The following BTAF1 variants were observed in gnomAD, a reference collection of about 807,000 sequenced individuals.
BTAF1 encodes the protein TATA-binding protein-associated factor 172.
A neutral mutation model predicts 227.1 loss-of-function variants in BTAF1; 38 were observed. The ratio of observed to expected loss-of-function variants is 0.17; its 90% CI spans 0.13 to 0.22. BTAF1 has a LOEUF of 0.22. Among genes scored for constraint, BTAF1 ranks in the 10% least tolerant of loss-of-function variants. The probability of loss-of-function intolerance (pLI) is 1.00; values close to 1 mark genes in which losing one functional copy is unlikely to be tolerated. For synonymous variants in BTAF1, 742 were observed against 751.9 expected, an observed-to-expected ratio of 0.99 and a Z score of 0.21; for missense variants, 1,598 against 2,204.0, an observed-to-expected ratio of 0.73 and a Z score of 5.51.
intron 1 of BTAF1, among the ~76,000 whole-genome samples, chr10:91,929,360 T>G (rs1324775152): frequency 1.3e-5 from 2 of 152,226 alleles, no homozygotes; most frequent in African/African-American, 4.8e-5. Flanking sequence ...TAGACAGTAC[T>G]TATAATATGA....
rs1225598895 is a variant in BTAF1 at position 92,001,981 on chromosome 10, T to TACAC, written c.3660+4231_3660+4232insCACA. On this transcript the variant is annotated intron_variant, in intron 25 of 37. Transcript: ENST00000265990. ...AAAAAAAAAAAACCATATATATATA[T>TACAC]ATATACACACACACACACACACACA... Among the ~76,000 whole-genome samples, 128 of 92,874 alleles carry TACAC rather than the reference T, an allele frequency of 1.4e-3. 1 individual carries two copies. The highest frequency in any genetic ancestry group is 2.9e-3 in the African/African-American group (92 of 31,684). The allele number at this position is 92,874 out of a possible 152,430, so 60.9% of individuals were successfully genotyped here. A position where few individuals can be genotyped will look rare whatever the true frequency, so the allele number is the denominator to read the frequency against.
rs1200662062 is a variant in BTAF1 at position 91,959,850 on chromosome 10, A to G, written c.1056A>G (p.Leu352=). ...TTAGACTCCTTTGTGTTTTTGCATTAGACAGATTTGGAGACTTTGTTTCTG... is the reference window on the plus strand; with the variant it reads ...TTAGACTCCTTTGTGTTTTTGCATTGGACAGATTTGGAGACTTTGTTTCTG... ...LVIRLLCVFA[L]DRFGDFVSDE... The change falls in exon 10 of 38, where the codon TTA becomes TTG. Residue 352 remains leucine, a synonymous_variant. Coordinates refer to ENST00000265990, the MANE Select transcript of BTAF1 (RefSeq NM_003972.3). The G allele has an allele frequency of 4.3e-6, 7 of 1,610,054 alleles. No individual in the cohort carries two copies. The highest frequency in any genetic ancestry group is 4.2e-6 in the Non-Finnish European group (5 of 1,178,752).
chr10:91,960,159 A>G lies in BTAF1; in HGVS notation c.1263+5A>G. The G allele has an allele frequency of 6.2e-7, 1 of 1,610,768 alleles. No homozygotes were observed. The highest frequency in any genetic ancestry group is 1.1e-5 in the South Asian group (1 of 90,218). On this transcript the variant is annotated splice_donor_5th_base_variant and intron_variant, in intron 11 of 37. Coordinates refer to ENST00000265990, the MANE Select transcript of BTAF1 (RefSeq NM_003972.3). ...TATGCTTTGGCAGTCCGTCAGGTAA[A>G]TATTTCAAGTTTTGAAGCTTATGTG...
chr10:91,943,002 G>A (rs555974697), intron 4 of BTAF1, among the ~76,000 whole-genome samples: 22 of 152,154 alleles, frequency 1.4e-4, no homozygotes, highest in Admixed American at 3.9e-4. Context: ...TCATGCTGGT[G>A]TCCAACGCAA....
intron 2 of BTAF1, 43 bp downstream of exon 2, chr10:91,935,823 G>A: frequency 6.8e-7 from 1 of 1,467,328 alleles, no homozygotes; most frequent in Non-Finnish European, 9.2e-7. Context: ...CAATTGTAGA[G>A]ACTTATTCAT....
At chr10:91,957,376 C>G (rs975348065) in intron 8 of BTAF1, 83 bp downstream of exon 8, 2 of 1,125,636 alleles carry the variant, frequency 1.8e-6, no homozygotes, top group African/African-American at 1.5e-5. Flanking sequence ...TATACTTTGT[C>G]AGAGTCCCTA....
At chr10:91,956,725 C>A (rs1846113912) in intron 7 of BTAF1, 68 bp downstream of exon 7, 1 of 1,531,900 alleles carries the variant, frequency 6.5e-7, no homozygotes, top group Admixed American at 1.8e-5. Context: ...AGCGGTGGCT[C>A]ACTCCTGTAA....
chr10:91,962,493 A>G (rs1311966571), intron 11 of BTAF1, 45 bp from the exon 12 acceptor site: 1 of 1,362,254 alleles, frequency 7.3e-7, no homozygotes, highest in Admixed American at 2.3e-5. Flanking sequence ...AAGCACAGTA[A>G]CTGTAGAATA....
Position 92,024,771 on chromosome 10 carries a change from G to A in BTAF1, c.4879G>A (p.Gly1627Ser), listed in dbSNP as rs769539374. 7.5e-6 allele frequency: 12 copies of A among 1,598,100 alleles called. No homozygotes were observed. Among genetic ancestry groups the A allele is most frequent in the South Asian group, 2.2e-5 (2 of 89,932 alleles). Residue 1627 changes from glycine (G) to serine (S), a missense_variant, in exon 35 of 38, where the codon GGT (glycine) becomes AGT (serine). This residue lies in a region of BTAF1 where 205 missense variants were observed against 244.5 expected (regional missense o/e 0.84). Coordinates refer to ENST00000265990, the MANE Select transcript of BTAF1 (RefSeq NM_003972.3). ...TCTTCCTAAGTTGCTGTTGGACTGC[G>A]GTTTGGGAAATGGCAGCACTTCCGA... ...SALKQLLLDCGLGNGSTSESG... is the reference protein window; with the variant it reads ...SALKQLLLDCSLGNGSTSESG...
chr10:92,030,252 A>G lies in BTAF1; in HGVS notation c.*1319A>G, dbSNP rs1851811978. ...ATTTAGACATTTGTCACATTTCATT[A>G]GCTTTGACAACCATACTGTAACATT... is the stretch of plus-strand genomic sequence containing the variant. On this transcript the variant is annotated 3_prime_UTR_variant, in exon 38 of 38. Coordinates refer to ENST00000265990, the MANE Select transcript of BTAF1 (RefSeq NM_003972.3). 1 of 152,592 alleles carries G rather than the reference A, an allele frequency of 6.6e-6. No homozygotes were observed. The highest frequency in any genetic ancestry group is 2.4e-5 in the African/African-American group (1 of 41,456). The allele number at this position is 152,592 out of a possible 1,614,324, so 9.5% of individuals were successfully genotyped here. A position where few individuals can be genotyped will look rare whatever the true frequency, so the allele number is the denominator to read the frequency against.
intron 14 of BTAF1, among the ~76,000 whole-genome samples, chr10:91,967,637 C>T (rs749339137): frequency 6.6e-6 from 1 of 152,120 alleles, no homozygotes; most frequent in East Asian, 1.9e-4. Context: ...TTGGCATTAT[C>T]ATTTTGATTT....
intron 23 of BTAF1, among the ~76,000 whole-genome samples, chr10:91,995,711 A>G (rs1290493857): frequency 6.6e-6 from 1 of 152,060 alleles, no homozygotes; most frequent in Non-Finnish European, 1.5e-5. Context: ...AGTAGAGTCC[A>G]TCTGTACGCT....
intron 4 of BTAF1, among the ~76,000 whole-genome samples, chr10:91,945,641 T>A (rs1237290647): frequency 6.6e-6 from 1 of 152,254 alleles, no homozygotes; most frequent in Non-Finnish European, 1.5e-5. Flanking sequence ...TAAGGCTGAA[T>A]AATAGTCCAT....
chr10:91,982,524 G>T, intron 17 of BTAF1, 63 bp from the exon 18 acceptor site: 1 of 1,502,668 alleles, frequency 6.7e-7, no homozygotes. Context: ...AAAATTTCCC[G>T]AAGTATGGGG....
Position 92,027,192 on chromosome 10 carries a change from G to C in BTAF1, c.5298G>C (p.Gly1766=), listed in dbSNP as rs1851572953. ...TRGTLEEKIM[G]LQKFKMNIAN... is the part of the protein sequence containing the mutation. ...GAACATTGGAAGAAAAAATAATGGG[G>C]TTGCAGAAATTCAAGATGAACATAG... The change falls in exon 37 of 38, where the codon GGG becomes GGC. Residue 1766 remains glycine (G), a synonymous_variant. Transcript: ENST00000265990. 3.1e-6 allele frequency: 5 copies of C among 1,613,848 alleles called. No homozygotes were observed. Among genetic ancestry groups the C allele is most frequent in the Non-Finnish European group, 4.2e-6 (5 of 1,179,954 alleles).
At chr10:91,928,968 GC>G (rs1844074585) in intron 1 of BTAF1, among the ~76,000 whole-genome samples, 1 of 152,020 alleles carries the variant, frequency 6.6e-6, no homozygotes, top group African/African-American at 2.4e-5. Flanking sequence ...ATACCACCAT[GC>G]CTGGCTAATT....
chr10:92,028,697 T>C (rs1851691733), intron 37 of BTAF1, 93 bp from the exon 38 acceptor site: 1 of 1,233,744 alleles, frequency 8.1e-7, no homozygotes. Flanking sequence ...GTTGAATAAT[T>C]GTATTAGAAA....
rs11816821 is a variant in BTAF1 at position 91,992,556 on chromosome 10, A to G, written c.3045+247A>G. ...CAGCCTTGTAAACTAATTCAGTCCT[A>G]TAGCAGTGACTGTAGAGAAGGTGCT... On this transcript the variant is annotated intron_variant, in intron 21 of 37. Transcript: ENST00000265990. Among the ~76,000 whole-genome samples, 21,157 of 152,050 alleles carry G rather than the reference A, an allele frequency of 0.14. 1,596 individuals are homozygous for G. Among genetic ancestry groups the G allele is most frequent in the Middle Eastern group, 0.2 (58 of 294 alleles).
At chr10:91,936,079 T>C (rs940678120) in intron 2 of BTAF1, among the ~76,000 whole-genome samples, 3 of 152,224 alleles carry the variant, frequency 2.0e-5, no homozygotes, top group Non-Finnish European at 2.9e-5. Flanking sequence ...CTAATAATTA[T>C]ATCATAGTTG....
Sources: allele counts gnomAD v4.1 joint callset (sites outside exome capture counted in the v4.1 genomes callset), GRCh38; gene constraint gnomAD v4.1.1; regional missense constraint gnomAD v4.1.1; transcripts MANE v1.5; gene names NCBI Gene and HGNC (gene_info 2026-07-23, HGNC 2026-07-21).